Variants in GPC5 observed in about 807,000 individuals in gnomAD.
GPC5 encodes the protein glypican-5.
GPC5 carries 47 observed loss-of-function variants against 53.9 expected under a neutral mutation model. That is an observed-to-expected ratio of 0.87 (90% CI 0.69 to 1.11). The LOEUF (loss-of-function observed/expected upper bound fraction) is 1.11, where lower values mean the gene tolerates loss of function less well. Ranked by LOEUF, GPC5 falls within the 50% of genes most tolerant of loss-of-function variation. The pLI is 0.00. For synonymous variants in GPC5, 286 were observed against 263.3 expected, an observed-to-expected ratio of 1.09 and a Z score of -0.84; for missense variants, 748 against 713.1, an observed-to-expected ratio of 1.05 and a Z score of -0.56.
intron 2 of GPC5, among the ~76,000 whole-genome samples, chr13:91,527,366 A>G (rs1266571001): frequency 6.6e-6 from 1 of 152,214 alleles, no homozygotes; most frequent in Non-Finnish European, 1.5e-5. Flanking sequence ...CAGTCATTAA[A>G]TCTTAAAGCT....
chr13:91,430,254 T>C (rs1345462966), intron 1 of GPC5, among the ~76,000 whole-genome samples: 1 of 152,112 alleles, frequency 6.6e-6, no homozygotes, highest in Non-Finnish European at 1.5e-5. Flanking sequence ...CCATGAGATT[T>C]ATAACTGTTT....
chr13:91,855,071 T>A (rs2038952654), intron 5 of GPC5, among the ~76,000 whole-genome samples: 1 of 151,826 alleles, frequency 6.6e-6, no homozygotes, highest in African/African-American at 2.4e-5. Context: ...GTTACTATTT[T>A]AAAAAGATAC....
intron 6 of GPC5, among the ~76,000 whole-genome samples, chr13:91,948,251 T>C (rs1407609796): frequency 1.4e-5 from 2 of 145,658 alleles, no homozygotes. Context: ...AAATAAATAA[T>C]AATAATAATA....
At chr13:91,491,671 TC>T (rs1345826144) in intron 2 of GPC5, among the ~76,000 whole-genome samples, 2 of 152,144 alleles carry the variant, frequency 1.3e-5, no homozygotes, top group Non-Finnish European at 2.9e-5. Flanking sequence ...TAGGGGACAT[TC>T]CACTCCTTGC....
At position 92,746,597 on chromosome 13, in the gene GPC5, C is replaced by T. The variant is rs144246000; in HGVS notation, c.1562-119685C>T. Among the ~76,000 whole-genome samples, 603 of 152,148 alleles carry T rather than the reference C, an allele frequency of 4.0e-3. 9 individuals are homozygous for T. Among genetic ancestry groups the T allele is most frequent in the South Asian group, 6.6e-3 (32 of 4,826 alleles). On this transcript the variant is annotated intron_variant, in intron 7 of 7. Transcript: ENST00000377067. ...TAATACCCAATGTGTCTATCAAAAA[C>T]CACAAGATACATTTTGAACTTCATC...
chr13:92,102,383 T>C (rs2041474260), intron 6 of GPC5, among the ~76,000 whole-genome samples: 1 of 152,200 alleles, frequency 6.6e-6, no homozygotes, highest in African/African-American at 2.4e-5. Flanking sequence ...CTGGCCAAGC[T>C]GAGTTTAGGT....
chr13:91,830,625 T>C (rs985584133), intron 5 of GPC5, among the ~76,000 whole-genome samples: 3 of 151,248 alleles, frequency 2.0e-5, no homozygotes, highest in Non-Finnish European at 4.4e-5. Flanking sequence ...CATGAAATCT[T>C]CACAATCCAT....
chr13:92,100,346 G>A (rs1253948556), intron 6 of GPC5, among the ~76,000 whole-genome samples: 1 of 152,086 alleles, frequency 6.6e-6, no homozygotes, highest in Non-Finnish European at 1.5e-5. Flanking sequence ...AGGTTGCCGT[G>A]AGCCGAGATC....
At chr13:91,834,383 T>C (rs1255687880) in intron 5 of GPC5, among the ~76,000 whole-genome samples, 1 of 152,102 alleles carries the variant, frequency 6.6e-6, no homozygotes. Flanking sequence ...TTCACAGAAT[T>C]GGAAAAAACT....
At chr13:91,626,755 G>A in intron 2 of GPC5, among the ~76,000 whole-genome samples, 1 of 151,840 alleles carries the variant, frequency 6.6e-6, no homozygotes, top group Non-Finnish European at 1.5e-5. Context: ...GTGACACGTT[G>A]GTGTGCTGCA....
chr13:92,543,497 A>T (rs2139004996), intron 7 of GPC5, among the ~76,000 whole-genome samples: 1 of 152,142 alleles, frequency 6.6e-6, no homozygotes, highest in African/African-American at 2.4e-5. Context: ...CTAGTTTCTC[A>T]GAAAGTAGGG....
chr13:91,428,368 A>G (rs1879203329), intron 1 of GPC5, among the ~76,000 whole-genome samples: 1 of 152,186 alleles, frequency 6.6e-6, no homozygotes, highest in African/African-American at 2.4e-5. Context: ...GTTTTAGAAT[A>G]GGGAAATGCA....
At chr13:91,948,296 C>T in intron 6 of GPC5, among the ~76,000 whole-genome samples, 1 of 151,114 alleles carries the variant, frequency 6.6e-6, no homozygotes. Flanking sequence ...TTATTCATTA[C>T]GTTACTAATT....
intron 2 of GPC5, among the ~76,000 whole-genome samples, chr13:91,484,696 G>T (rs1883493413): frequency 6.6e-6 from 1 of 152,116 alleles, no homozygotes; most frequent in African/African-American, 2.4e-5. Context: ...CACATATTTT[G>T]TTGGAAAGTT....
At chr13:91,526,282 T>C (rs1366650551) in intron 2 of GPC5, among the ~76,000 whole-genome samples, 3 of 152,158 alleles carry the variant, frequency 2.0e-5, no homozygotes, top group Non-Finnish European at 2.9e-5. Flanking sequence ...TCCTGAGAAA[T>C]ACACTATGCT....
At chr13:92,695,307 G>C (rs1233011974) in intron 7 of GPC5, among the ~76,000 whole-genome samples, 1 of 152,066 alleles carries the variant, frequency 6.6e-6, no homozygotes, top group Non-Finnish European at 1.5e-5. Context: ...GTTCCTTATA[G>C]ATTCTAGATA....
At chr13:92,131,503 T>C (rs1390060473) in intron 6 of GPC5, among the ~76,000 whole-genome samples, 1 of 152,054 alleles carries the variant, frequency 6.6e-6, no homozygotes, top group Non-Finnish European at 1.5e-5. Context: ...AATTATAAAG[T>C]ATGAACTATA....
chr13:91,662,668 C>T (rs912140801), intron 2 of GPC5, among the ~76,000 whole-genome samples: 18 of 151,994 alleles, frequency 1.2e-4, no homozygotes, highest in African/African-American at 3.6e-4. Flanking sequence ...GTTATTACCC[C>T]AGGGATTTTC....
intron 6 of GPC5, among the ~76,000 whole-genome samples, chr13:92,050,241 T>C (rs779109198): frequency 2.0e-5 from 3 of 152,126 alleles, no homozygotes; most frequent in Non-Finnish European, 4.4e-5. Context: ...AGGTAAAACA[T>C]ATTTGAATTG....
Sources: gnomAD v4.1 joint callset for allele counts (sites outside exome capture counted in the v4.1 genomes callset) on GRCh38, gnomAD v4.1.1 for gene constraint, MANE v1.5 for transcripts, NCBI Gene and HGNC (gene_info 2026-07-23, HGNC 2026-07-21) for gene names.